The following EPHA4 variants were observed in gnomAD, a reference collection of about 807,000 sequenced individuals.
The protein encoded by EPHA4 is EPH receptor A4.
A neutral mutation model predicts 108.3 loss-of-function variants in EPHA4; 19 were observed. The ratio of observed to expected loss-of-function variants is 0.18; its 90% CI spans 0.12 to 0.26. EPHA4 has a LOEUF of 0.26. EPHA4 is among the 10% of genes least tolerant of loss of function. The probability of loss-of-function intolerance (pLI) is 1.00; values close to 1 mark genes in which losing one functional copy is unlikely to be tolerated. For missense variants in EPHA4, 917 were observed against 1,254.0 expected (o/e 0.73, Z 4.06); for synonymous variants, 449 against 455.5 (o/e 0.99, Z 0.18).
Position 221,436,541 on chromosome 2 carries a change from T to G in EPHA4, c.2204A>C (p.Lys735Thr), listed in dbSNP as rs1382416246. The change falls in exon 13 of 18, where the codon AAG becomes ACG. Residue 735 changes from lysine to threonine, a missense_variant. Transcript: ENST00000281821. Reference sequence around the variant, plus strand: ...CACATAGCTCATATCAGATAAATACTTCATCCCAGACCCAATGCCACGAAG... The same window carrying G: ...CACATAGCTCATATCAGATAAATACGTCATCCCAGACCCAATGCCACGAAG... ...GMLRGIGSGMKYLSDMSYVHR... is the reference protein window; with the variant it reads ...GMLRGIGSGMTYLSDMSYVHR... 6.2e-7 allele frequency: 1 copy of G among 1,614,156 alleles called. No homozygotes were observed. The highest frequency in any genetic ancestry group is 1.3e-5 in the African/African-American group (1 of 75,048).
At chr2:221,436,666 C>T (rs1338543727) in intron 12 of EPHA4, 58 bp from the exon 13 acceptor site, 1 of 1,511,888 alleles carries the variant, frequency 6.6e-7, no homozygotes, top group African/African-American at 1.4e-5. Flanking sequence ...TTAATTCTCA[C>T]CAAGCATTTA....
At chr2:221,499,742 ATATATATATATATATTTTT>A in intron 4 of EPHA4, among the ~76,000 whole-genome samples, 1 of 56,438 alleles carries the variant, frequency 1.8e-5, no homozygotes, top group African/African-American at 9.8e-5. Context: ...ATATATATAT[ATATATATATATATATTTTT>A]TTTTTTTTTT....
rs1300743650 is a variant in EPHA4, at chr2:221,429,821, T to C, written c.2690+137A>G. ...GAACTACCTGAAATACTCTACTAAT[T>C]GAGAAAGAAGCCACCCAGGTTGCAG... On this transcript the variant is annotated intron_variant, in intron 15 of 17. Coordinates refer to ENST00000281821, the MANE Select transcript of EPHA4 (RefSeq NM_004438.5). 4.9e-6 allele frequency: 4 copies of C among 818,714 alleles called. No individual in the cohort carries two copies. In the East Asian group the frequency reaches 7.5e-5, roughly 15 times the overall value. The allele number at this position is 818,714 out of a possible 1,614,324, so 50.7% of individuals were successfully genotyped here.
chr2:221,572,189 G>A lies in EPHA4; in HGVS notation c.60C>T (p.Val20=), dbSNP rs187351598. 2.7e-5 allele frequency: 43 copies of A among 1,614,136 alleles called. No individual in the cohort carries two copies. The highest frequency in any genetic ancestry group is 5.5e-5 in the South Asian group (5 of 91,080). Residue 20 remains valine (V), a synonymous_variant, in exon 1 of 18, where the codon GTC becomes GTT. Coordinates refer to ENST00000281821, the MANE Select transcript of EPHA4 (RefSeq NM_004438.5). ...TCGCGGGGTATACCCTGGAACCTGT[G>A]ACAGCGTCGCAAATCCCGAAGAGAC... ...FSCLFGICDA[V]TGSRVYPANE...
chr2:221,528,052 TC>T (rs1269876788), intron 3 of EPHA4, among the ~76,000 whole-genome samples: 2 of 141,342 alleles, frequency 1.4e-5, no homozygotes, highest in African/African-American at 5.3e-5. Context: ...CCCTTCCTTC[TC>T]TGTGCACACA....
chr2:221,569,853 T>C (rs556306513), intron 1 of EPHA4, among the ~76,000 whole-genome samples: 9 of 152,188 alleles, frequency 5.9e-5, no homozygotes, highest in Non-Finnish European at 1.2e-4. Context: ...TCATTTCACC[T>C]CAAAGTCAAT....
At chr2:221,422,741 T>C (rs1689793063) in intron 17 of EPHA4, among the ~76,000 whole-genome samples, 1 of 152,220 alleles carries the variant, frequency 6.6e-6, no homozygotes, top group African/African-American at 2.4e-5. Context: ...GAGAATTCAT[T>C]GTGACTAAAT....
chr2:221,524,294 C>T (rs560043822), intron 3 of EPHA4, among the ~76,000 whole-genome samples: 4 of 152,114 alleles, frequency 2.6e-5, no homozygotes, highest in Admixed American at 2.0e-4. Context: ...TGCTAGGCTT[C>T]GGGGTAAAAG....
Position 221,557,970 on chromosome 2 carries a change from G to A in EPHA4, c.823+5761C>T, listed in dbSNP as rs182505815. Among the ~76,000 whole-genome samples, 114 of 152,282 alleles carry A rather than the reference G, an allele frequency of 7.5e-4. 2 individuals are homozygous for A. The highest frequency in any genetic ancestry group is 2.6e-3 in the African/African-American group (108 of 41,566). On this transcript the variant is annotated intron_variant, in intron 3 of 17. Coordinates refer to ENST00000281821, the MANE Select transcript of EPHA4 (RefSeq NM_004438.5). ...TACATGTATGATTACACATTAATGT[G>A]TTAGTTTAAAAGTATTACTAGGAAA...
rs1245554528 is a variant in EPHA4, at chr2:221,440,695, G to GT, written c.2074+2133dup. 4.0e-5 allele frequency among the ~76,000 whole-genome samples: 6 copies of GT among 151,640 alleles called. No homozygotes were observed. In the South Asian group the frequency reaches 6.2e-4, roughly 16 times the overall value. On this transcript the variant is annotated intron_variant, in intron 11 of 17. Coordinates refer to ENST00000281821, the MANE Select transcript of EPHA4 (RefSeq NM_004438.5). ...AATAGCACCACTGAACACGTACGAG[G>GT]TTTTTTCTGAAAAAATTTGCTATTG... is the stretch of plus-strand genomic sequence containing the variant.
intron 3 of EPHA4, among the ~76,000 whole-genome samples, chr2:221,505,715 C>G (rs957786686): frequency 6.6e-5 from 10 of 152,158 alleles, no homozygotes; most frequent in African/African-American, 1.7e-4. Flanking sequence ...GCTCTAGAAG[C>G]TAGAGTATTA....
intron 3 of EPHA4, among the ~76,000 whole-genome samples, chr2:221,507,101 A>G (rs1488786873): frequency 1.3e-5 from 2 of 152,196 alleles, no homozygotes; most frequent in African/African-American, 2.4e-5. Flanking sequence ...TACTTTGCCA[A>G]CCAGTGATCT....
chr2:221,446,140 T>C lies in EPHA4; in HGVS notation c.1757A>G (p.Glu586Gly), dbSNP rs371063790. ...TTTTGTACCTTGATTCAAATGTTTC[T>C]CTTCATCCGCTTCTTGTTTGGCTTT... Reference protein sequence around the residue: ...YSKAKQEADEEKHLNQGVRTY... With the variant: ...YSKAKQEADEGKHLNQGVRTY... Residue 586 changes from glutamate to glycine, a missense_variant, in exon 9 of 18, where the codon GAG becomes GGG. This residue lies in a region of EPHA4 where 758 missense variants were observed against 1,076.7 expected (regional missense o/e 0.70). Coordinates refer to ENST00000281821, the MANE Select transcript of EPHA4 (RefSeq NM_004438.5). The C allele has an allele frequency of 2.6e-6, 4 of 1,548,776 alleles. No homozygotes were observed. Among genetic ancestry groups the C allele is most frequent in the African/African-American group, 1.4e-5 (1 of 72,086 alleles).
rs1690962352 is a variant in EPHA4 at position 221,456,643 on chromosome 2, T to C, written c.1573A>G (p.Ser525Gly). 1.3e-5 allele frequency: 21 copies of C among 1,613,916 alleles called. No individual in the cohort carries two copies. Among genetic ancestry groups the C allele is most frequent in the Non-Finnish European group, 1.8e-5 (21 of 1,179,856 alleles). Reference sequence around the variant, plus strand: ...TTGGTTGTAACCTCCAAGGGCTCACTGAAGTCTCCATAGCCAGCTGCTGTC... The same window carrying C: ...TTGGTTGTAACCTCCAAGGGCTCACCGAAGTCTCCATAGCCAGCTGCTGTC... The part of the protein sequence containing the change: ...ARTAAGYGDF[S>G]EPLEVTTNTV... Residue 525 changes from serine to glycine, a missense_variant, in exon 7 of 18, where the codon AGT becomes GGT. This residue lies in a region of EPHA4 where 758 missense variants were observed against 1,076.7 expected (regional missense o/e 0.70). Coordinates refer to ENST00000281821, the MANE Select transcript of EPHA4 (RefSeq NM_004438.5).
At chr2:221,540,008 C>T (rs1469427175) in intron 3 of EPHA4, among the ~76,000 whole-genome samples, 1 of 152,158 alleles carries the variant, frequency 6.6e-6, no homozygotes, top group African/African-American at 2.4e-5. Context: ...CAACCTTTGC[C>T]TCCTGGGTTC....
intron 4 of EPHA4, among the ~76,000 whole-genome samples, chr2:221,482,935 A>C (rs1864460): frequency 0.42 from 64,178 of 152,108 alleles, 13,638 homozygotes; most frequent in East Asian, 0.53. Flanking sequence ...TTGAGATGTG[A>C]AGCAACTCTC....
At chr2:221,442,699 G>C in intron 11 of EPHA4, 130 bp downstream of exon 11, 1 of 921,386 alleles carries the variant, frequency 1.1e-6, no homozygotes, top group Non-Finnish European at 1.7e-6. Flanking sequence ...TTAATGACTT[G>C]TCCTGCACTG....
At chr2:221,560,730 T>A (rs780803332) in intron 3 of EPHA4, among the ~76,000 whole-genome samples, 1 of 152,206 alleles carries the variant, frequency 6.6e-6, no homozygotes, top group Non-Finnish European at 1.5e-5. Flanking sequence ...ATATAACTAT[T>A]ATCATCCCAT....
chr2:221,430,269 C>T (rs907872536), intron 14 of EPHA4, 118 bp from the exon 15 acceptor site: 1 of 1,002,164 alleles, frequency 1.0e-6, no homozygotes, highest in African/African-American at 1.6e-5. Flanking sequence ...AGCCTGGGAA[C>T]AGCTCCAACT....
Sources: gnomAD v4.1 joint callset for allele counts (sites outside exome capture counted in the v4.1 genomes callset) on GRCh38, gnomAD v4.1.1 for gene constraint, gnomAD v4.1.1 regional missense constraint, MANE v1.5 for transcripts, NCBI Gene and HGNC (gene_info 2026-07-23, HGNC 2026-07-21) for gene names.